PTPRN2: variants seen among roughly 807,000 people sequenced by gnomAD.
PTPRN2 encodes the protein protein tyrosine phosphatase receptor type N2, also known as receptor-type tyrosine-protein phosphatase N2.
PTPRN2 carries 74 observed loss-of-function variants against 118.8 expected under a neutral mutation model. The ratio of observed to expected loss-of-function variants is 0.62; its 90% CI spans 0.52 to 0.76. The LOEUF (loss-of-function observed/expected upper bound fraction) is 0.76, where lower values mean the gene tolerates loss of function less well. PTPRN2 is among the 30% of genes least tolerant of loss of function. The probability of loss-of-function intolerance (pLI) is 0.00; values close to 1 mark genes in which losing one functional copy is unlikely to be tolerated. For missense variants in PTPRN2, 1,481 were observed against 1,394.4 expected, an observed-to-expected ratio of 1.06 and a Z score of -0.99; for synonymous variants, 641 against 608.0, an observed-to-expected ratio of 1.05 and a Z score of -0.80.
chr7:157,991,543 G>A (rs1054407190), intron 11 of PTPRN2, among the ~76,000 whole-genome samples: 7 of 152,228 alleles, frequency 4.6e-5, no homozygotes, highest in African/African-American at 1.2e-4. Flanking sequence ...ACTCAGGGCC[G>A]GTTTCCCTCT....
chr7:158,517,121 G>A lies in PTPRN2; in HGVS notation c.113-27336C>T, dbSNP rs1324031153. ...ATTCATCCAAACACCACTTGACAAA[G>A]GCCAGCAGGACAGAACAGTACAACG... On this transcript the variant is annotated intron_variant, in intron 1 of 22. Transcript: ENST00000389418. The surrounding 1 kb of genome is among the most constrained non-coding windows in gnomAD (Gnocchi z 5.3). Among the ~76,000 whole-genome samples the A allele has an allele frequency of 1.3e-5, 2 of 152,188 alleles. No individual in the cohort carries two copies. Among genetic ancestry groups the A allele is most frequent in the African/African-American group, 4.8e-5 (2 of 41,436 alleles).
intron 1 of PTPRN2, among the ~76,000 whole-genome samples, chr7:158,554,997 G>A (rs1826883564): frequency 6.6e-6 from 1 of 151,988 alleles, no homozygotes; most frequent in African/African-American, 2.4e-5. Flanking sequence ...GCCCCTCCTC[G>A]ACTACCAACT....
chr7:158,431,742 ACACACTGGCTCACAATGGCT>A (rs915162418), intron 2 of PTPRN2, among the ~76,000 whole-genome samples: 1 of 144,402 alleles, frequency 6.9e-6, no homozygotes, highest in Non-Finnish European at 1.5e-5. Context: ...CACACTGGCC[ACACACTGGCTCACAATGGCT>A]CACACTGGGC....
chr7:157,718,205 A>G (rs1419448978), intron 12 of PTPRN2, among the ~76,000 whole-genome samples: 1 of 152,272 alleles, frequency 6.6e-6, no homozygotes, highest in African/African-American at 2.4e-5. Flanking sequence ...AACAATTTGA[A>G]TGAACGTGGC....
intron 12 of PTPRN2, among the ~76,000 whole-genome samples, chr7:157,827,123 G>C (rs531820548): frequency 7.2e-4 from 109 of 152,208 alleles, no homozygotes; most frequent in Admixed American, 1.3e-3. Context: ...AAGCAGACTG[G>C]CTATGAGTTT....
intron 12 of PTPRN2, among the ~76,000 whole-genome samples, chr7:157,703,628 ACTT>A (rs1484918767): frequency 9.2e-5 from 14 of 152,118 alleles, no homozygotes; most frequent in South Asian, 8.3e-4. Flanking sequence ...CCACAAAAGA[ACTT>A]CTTCTCAGCC....
intron 3 of PTPRN2, among the ~76,000 whole-genome samples, chr7:158,280,630 G>A (rs1245669802): frequency 6.6e-6 from 1 of 152,252 alleles, no homozygotes; most frequent in Non-Finnish European, 1.5e-5. Context: ...GAGAGCCTGG[G>A]GGAGCCGGAC....
At chr7:157,588,162 T>C (rs1232995276) in intron 17 of PTPRN2, among the ~76,000 whole-genome samples, 1 of 152,228 alleles carries the variant, frequency 6.6e-6, no homozygotes, top group Non-Finnish European at 1.5e-5. Context: ...AAACAGCTGT[T>C]GTGTATCTCC....
intron 13 of PTPRN2, among the ~76,000 whole-genome samples, chr7:157,659,155 TC>T (rs901537255): frequency 2.6e-5 from 4 of 151,554 alleles, no homozygotes; most frequent in Non-Finnish European, 4.4e-5. Context: ...CAATTCATGC[TC>T]CCGGGCTCTC....
chr7:157,879,327 AG>A (rs1481986023), intron 12 of PTPRN2, among the ~76,000 whole-genome samples: 41 of 152,232 alleles, frequency 2.7e-4, no homozygotes, highest in African/African-American at 8.0e-4. Flanking sequence ...TGAGAACAGC[AG>A]GAACACACCC....
intron 5 of PTPRN2, among the ~76,000 whole-genome samples, chr7:158,178,170 TTGG>T (rs1403374255): frequency 6.6e-6 from 1 of 152,240 alleles, no homozygotes; most frequent in Non-Finnish European, 1.5e-5. Context: ...TTTATCCTCT[TTGG>T]TGAAGTGTTT....
chr7:158,127,165 C>T (rs888576546), intron 9 of PTPRN2, among the ~76,000 whole-genome samples: 3 of 152,234 alleles, frequency 2.0e-5, no homozygotes, highest in Non-Finnish European at 4.4e-5. Context: ...GGCCTCCCCG[C>T]AAGACTCAGG....
At chr7:157,844,337 C>G (rs1171272367) in intron 12 of PTPRN2, among the ~76,000 whole-genome samples, 1 of 152,244 alleles carries the variant, frequency 6.6e-6, no homozygotes, top group Non-Finnish European at 1.5e-5. Context: ...CAGCCCCATC[C>G]CCAGCCTGCA....
intron 11 of PTPRN2, among the ~76,000 whole-genome samples, chr7:158,002,293 A>T (rs1805322148): frequency 1.3e-5 from 2 of 152,128 alleles, no homozygotes; most frequent in Admixed American, 1.3e-4. Context: ...CTTTATTAAG[A>T]GTTGGTTCTA....
intron 3 of PTPRN2, among the ~76,000 whole-genome samples, chr7:158,296,263 A>G (rs73176149): frequency 0.022 from 3,378 of 152,216 alleles, 61 homozygotes; most frequent in Non-Finnish European, 0.033. Context: ...TGTCAAGAGG[A>G]GCACACCGGC....
At chr7:157,725,326 C>T (rs1467422728) in intron 12 of PTPRN2, among the ~76,000 whole-genome samples, 2 of 94,982 alleles carry the variant, frequency 2.1e-5, no homozygotes, top group Non-Finnish European at 4.1e-5. Context: ...CAGACCCTCG[C>T]CTCCCAGGAG....
At chr7:158,564,162 C>T (rs1392212859) in intron 1 of PTPRN2, among the ~76,000 whole-genome samples, 1 of 152,204 alleles carries the variant, frequency 6.6e-6, no homozygotes, top group African/African-American at 2.4e-5. Context: ...CTACCTCATT[C>T]TTTCCAACAG....
intron 2 of PTPRN2, among the ~76,000 whole-genome samples, chr7:158,431,181 A>G (rs1179925392): frequency 6.6e-6 from 1 of 152,224 alleles, no homozygotes; most frequent in Non-Finnish European, 1.5e-5. Context: ...CCAGGCACAC[A>G]CTGCCTCACA....
chr7:157,812,306 G>A (rs1806101510), intron 12 of PTPRN2, among the ~76,000 whole-genome samples: 1 of 152,208 alleles, frequency 6.6e-6, no homozygotes, highest in African/African-American at 2.4e-5. Context: ...GTGGGAGGAG[G>A]GGTTCCGCTG....
Sources: allele counts gnomAD v4.1 joint callset (sites outside exome capture counted in the v4.1 genomes callset), GRCh38; gene constraint gnomAD v4.1.1; non-coding constraint Gnocchi (gnomAD v3.1); transcripts MANE v1.5; gene names NCBI Gene and HGNC (gene_info 2026-07-23, HGNC 2026-07-21).